LHFPL3: variants seen among roughly 807,000 people sequenced by gnomAD.
The protein encoded by LHFPL3 is LHFPL tetraspan subfamily member 3.
In LHFPL3, 5 loss-of-function variants were observed where a neutral mutation model predicts 19.3. The ratio of observed to expected loss-of-function variants is 0.26; its 90% CI spans 0.14 to 0.54. The LOEUF (loss-of-function observed/expected upper bound fraction) is 0.54, where lower values mean the gene tolerates loss of function less well. Ranked by LOEUF, LHFPL3 falls within the 20% of genes least tolerant of loss-of-function variation. LHFPL3 has a pLI of 0.94. For missense variants in LHFPL3, 249 were observed against 307.4 expected, an observed-to-expected ratio of 0.81 and a Z score of 1.42; for synonymous variants, 133 against 126.2, an observed-to-expected ratio of 1.05 and a Z score of -0.36.
intron 1 of LHFPL3, among the ~76,000 whole-genome samples, chr7:104,674,660 C>A (rs1792558381): frequency 6.6e-6 from 1 of 152,012 alleles, no homozygotes; most frequent in South Asian, 2.1e-4. Context: ...AGCCACTGCA[C>A]CCACTCGGGA....
intron 1 of LHFPL3, among the ~76,000 whole-genome samples, chr7:104,481,652 A>AT (rs1793138821): frequency 6.6e-6 from 1 of 152,006 alleles, no homozygotes; most frequent in Non-Finnish European, 1.5e-5. Context: ...AATCTAACAC[A>AT]TAACAGTGCT....
chr7:104,422,044 C>T (rs2116535671), intron 1 of LHFPL3, among the ~76,000 whole-genome samples: 1 of 152,288 alleles, frequency 6.6e-6, no homozygotes, highest in East Asian at 1.9e-4. Context: ...TGGTCTTGGA[C>T]TTTCAGCCCT....
chr7:104,494,251 A>G (rs1239357441), intron 1 of LHFPL3, among the ~76,000 whole-genome samples: 2 of 152,224 alleles, frequency 1.3e-5, no homozygotes, highest in Non-Finnish European at 2.9e-5. Context: ...GTACTTCAGT[A>G]TCAAATGCAA....
At chr7:104,497,570 T>C (rs1793509132) in intron 1 of LHFPL3, among the ~76,000 whole-genome samples, 1 of 151,600 alleles carries the variant, frequency 6.6e-6, no homozygotes, top group African/African-American at 2.4e-5. Flanking sequence ...TGAAATCTCA[T>C]TTCTCTTCTG....
intron 1 of LHFPL3, among the ~76,000 whole-genome samples, chr7:104,495,445 A>G (rs534408270): frequency 8.3e-4 from 127 of 152,190 alleles, no homozygotes; most frequent in Middle Eastern, 3.4e-3. Context: ...GTGCAGTGGC[A>G]CAATCTCAGC....
intron 2 of LHFPL3, among the ~76,000 whole-genome samples, chr7:104,740,611 G>A (rs993664656): frequency 4.3e-4 from 66 of 152,310 alleles, no homozygotes; most frequent in African/African-American, 1.5e-3. Flanking sequence ...GAAGGCAAAG[G>A]AAGAGCAAAG....
At chr7:104,391,262 G>A (rs1434815982) in intron 1 of LHFPL3, among the ~76,000 whole-genome samples, 2 of 152,154 alleles carry the variant, frequency 1.3e-5, no homozygotes, top group Non-Finnish European at 1.5e-5. Context: ...CCTTGCCCAT[G>A]CCTATGTCCT....
intron 1 of LHFPL3, among the ~76,000 whole-genome samples, chr7:104,655,935 CT>C (rs1562959167): frequency 6.6e-6 from 1 of 152,086 alleles, no homozygotes; most frequent in Non-Finnish European, 1.5e-5. Context: ...AATGAAAGAA[CT>C]AGGTAATATA....
intron 2 of LHFPL3, among the ~76,000 whole-genome samples, chr7:104,862,871 G>C (rs930396200): frequency 6.6e-6 from 1 of 152,204 alleles, no homozygotes; most frequent in Non-Finnish European, 1.5e-5. Flanking sequence ...TGCCGAGTCG[G>C]AGCTGGAAGA....
chr7:104,592,833 C>G (rs912643166), intron 1 of LHFPL3, among the ~76,000 whole-genome samples: 4 of 152,128 alleles, frequency 2.6e-5, no homozygotes, highest in African/African-American at 9.7e-5. Flanking sequence ...CTCTCTGCCA[C>G]CTTGCAGTTC....
At chr7:104,627,309 C>G (rs977208285) in intron 1 of LHFPL3, among the ~76,000 whole-genome samples, 1 of 152,140 alleles carries the variant, frequency 6.6e-6, no homozygotes, top group Non-Finnish European at 1.5e-5. Flanking sequence ...GAATTTCCTT[C>G]TTTTTTAAGG....
chr7:104,356,331 A>G lies in LHFPL3; in HGVS notation c.445+27107A>G, dbSNP rs1584263478. Among the ~76,000 whole-genome samples, 3 of 152,316 alleles carry G rather than the reference A, an allele frequency of 2.0e-5. No individual in the cohort carries two copies. The South Asian group carries it at 6.2e-4, about 32-fold the overall frequency. ...TGACCATACACCCAAAGAAAGGGGT[A>G]ACAACTTTAACCCTTAACTTAGGTG... On this transcript the variant is annotated intron_variant, in intron 1 of 2. Coordinates refer to ENST00000424859, the MANE Select transcript of LHFPL3 (RefSeq NM_199000.3).
At chr7:104,467,608 T>C (rs1208334257) in intron 1 of LHFPL3, among the ~76,000 whole-genome samples, 1 of 152,224 alleles carries the variant, frequency 6.6e-6, no homozygotes, top group African/African-American at 2.4e-5. Flanking sequence ...AAACATGCTA[T>C]CTTCTGTTAT....
chr7:104,670,152 T>C (rs186121649), intron 1 of LHFPL3, among the ~76,000 whole-genome samples: 13 of 151,950 alleles, frequency 8.6e-5, no homozygotes, highest in Non-Finnish European at 1.3e-4. Flanking sequence ...TTTTTTTTTT[T>C]TTTACCCCCA....
At chr7:104,850,390 A>G (rs1791396139) in intron 2 of LHFPL3, among the ~76,000 whole-genome samples, 1 of 152,214 alleles carries the variant, frequency 6.6e-6, no homozygotes, top group Non-Finnish European at 1.5e-5. Flanking sequence ...GGGAGACAGG[A>G]GAGCAAGAGA....
chr7:104,764,591 AT>A (rs896764125), intron 2 of LHFPL3, among the ~76,000 whole-genome samples: 13 of 151,358 alleles, frequency 8.6e-5, no homozygotes, highest in African/African-American at 2.7e-4. Context: ...AAACCCTATG[AT>A]TTTTTTAGTA....
intron 1 of LHFPL3, among the ~76,000 whole-genome samples, chr7:104,713,400 T>C (rs1584492976): frequency 6.6e-6 from 1 of 152,156 alleles, no homozygotes; most frequent in South Asian, 2.1e-4. Context: ...GCTGTGCAGG[T>C]AGCATGGAAA....
At chr7:104,498,608 G>T (rs1270041258) in intron 1 of LHFPL3, among the ~76,000 whole-genome samples, 1 of 151,124 alleles carries the variant, frequency 6.6e-6, no homozygotes, top group Admixed American at 6.6e-5. Flanking sequence ...CACCCAAGTA[G>T]CTGGGACTAC....
intron 2 of LHFPL3, among the ~76,000 whole-genome samples, chr7:104,765,738 GC>G (rs1794446358): frequency 6.6e-6 from 1 of 152,194 alleles, no homozygotes; most frequent in Non-Finnish European, 1.5e-5. Context: ...GCAGAGCAGA[GC>G]CCCATGATAG....
Sources: allele counts gnomAD v4.1 joint callset (sites outside exome capture counted in the v4.1 genomes callset), GRCh38; gene constraint gnomAD v4.1.1; transcripts MANE v1.5; gene names NCBI Gene and HGNC (gene_info 2026-07-23, HGNC 2026-07-21).